ATF7IP2: variants seen among roughly 807,000 people sequenced by gnomAD.
ATF7IP2 encodes activating transcription factor 7-interacting protein 2.
Under a neutral mutation model 64.2 loss-of-function variants are expected in ATF7IP2, and 42 were observed. The observed-to-expected ratio is 0.65, with a 90% CI of 0.51 to 0.85. ATF7IP2 has a LOEUF of 0.85. ATF7IP2 is among the 40% of genes least tolerant of loss of function. ATF7IP2 has a pLI of 0.00. For synonymous variants in ATF7IP2, 308 were observed against 272.8 expected, an observed-to-expected ratio of 1.13 and a Z score of -1.27; for missense variants, 933 against 784.2, an observed-to-expected ratio of 1.19 and a Z score of -2.27.
intron 8 of ATF7IP2, 162 bp from the exon 9 acceptor site, chr16:10,457,210 G>T (rs2049199168): frequency 1.8e-6 from 1 of 570,320 alleles, no homozygotes; most frequent in Non-Finnish European, 3.0e-6. Context: ...AATTCATTTT[G>T]GCAGGCAAAT....
chr16:10,433,114 G>A (rs577537907), intron 5 of ATF7IP2, among the ~76,000 whole-genome samples: 1 of 152,090 alleles, frequency 6.6e-6, no homozygotes, highest in Non-Finnish European at 1.5e-5. Flanking sequence ...AAAAAATGCT[G>A]CAGTGTCACA....
chr16:10,402,706 C>T (rs968908129), intron 1 of ATF7IP2, among the ~76,000 whole-genome samples: 2 of 152,076 alleles, frequency 1.3e-5, no homozygotes, highest in Admixed American at 6.6e-5. Flanking sequence ...TCAAGTGATC[C>T]TCCCACCTCA....
chr16:10,454,043 A>T (rs1420170392), intron 8 of ATF7IP2: 1 of 150,924 alleles, frequency 6.6e-6, no homozygotes, highest in Admixed American at 6.6e-5. Context: ...TCAGTTTTGC[A>T]AGTTATCTTT....
intron 1 of ATF7IP2, among the ~76,000 whole-genome samples, chr16:10,408,370 C>G (rs973428942): frequency 6.6e-6 from 1 of 152,056 alleles, no homozygotes; most frequent in African/African-American, 2.4e-5. Context: ...GTGGGATTGC[C>G]GGGTCAAATG....
chr16:10,423,372 T>G (rs1271699656), intron 3 of ATF7IP2, among the ~76,000 whole-genome samples: 1 of 152,234 alleles, frequency 6.6e-6, no homozygotes, highest in Non-Finnish European at 1.5e-5. Context: ...CTATAATGAT[T>G]TATAGCTTGT....
rs372612664 is a variant in ATF7IP2 at position 10,386,069 on chromosome 16, C to T, written c.-295C>T. 1 of 152,656 alleles carries T rather than the reference C, an allele frequency of 6.6e-6. No homozygotes were observed. Among genetic ancestry groups the T allele is most frequent in the African/African-American group, 2.4e-5 (1 of 41,476 alleles). 9.5% of individuals were successfully genotyped at this position (152,656 alleles called of 1,614,324 possible). A position where few individuals can be genotyped will look rare whatever the true frequency, so the allele number is the denominator to read the frequency against. On this transcript the variant is annotated 5_prime_UTR_variant, in exon 1 of 14. Coordinates refer to ENST00000562102, the MANE Select transcript of ATF7IP2 (RefSeq NM_001393719.1). ...CTGGCCGGACCAGCATTGTTAACGG[C>T]TGCGGTTCGAAGTGGCTGTGGGTAT...
intron 3 of ATF7IP2, 49 bp downstream of exon 3, chr16:10,419,672 C>T (rs983028583): frequency 6.5e-6 from 1 of 153,080 alleles, no homozygotes; most frequent in African/African-American, 2.4e-5. Context: ...TGGGGTCCTC[C>T]TCAGTGTCAG....
At chr16:10,481,332 G>A (rs1337619755) in intron 13 of ATF7IP2, among the ~76,000 whole-genome samples, 4 of 151,412 alleles carry the variant, frequency 2.6e-5, no homozygotes, top group African/African-American at 9.7e-5. Flanking sequence ...CTGGGTTCAA[G>A]TGAGTCCCCT....
chr16:10,430,469 G>T, intron 4 of ATF7IP2, 142 bp from the exon 5 acceptor site: 1 of 571,832 alleles, frequency 1.7e-6, no homozygotes, highest in East Asian at 2.9e-5. Context: ...AAATGGATAT[G>T]ATTTTCAGTA....
chr16:10,454,053 T>A (rs2049083690), intron 8 of ATF7IP2: 1 of 152,030 alleles, frequency 6.6e-6, no homozygotes, highest in Non-Finnish European at 1.5e-5. Context: ...AAGTTATCTT[T>A]GTAAGGAATT....
chr16:10,468,562 C>T (rs1259122564), intron 9 of ATF7IP2, among the ~76,000 whole-genome samples: 1 of 152,164 alleles, frequency 6.6e-6, no homozygotes. Flanking sequence ...AGGAGGGATT[C>T]CAAACAGAGC....
chr16:10,470,853 A>ATGTG (rs34438899), intron 9 of ATF7IP2, among the ~76,000 whole-genome samples: 7 of 109,440 alleles, frequency 6.4e-5, no homozygotes, highest in Non-Finnish European at 1.0e-4. Context: ...GTGTATATAT[A>ATGTG]TGTGTGTGTG....
chr16:10,479,302 C>A (rs977734397), intron 12 of ATF7IP2, among the ~76,000 whole-genome samples: 9 of 151,458 alleles, frequency 5.9e-5, no homozygotes, highest in Non-Finnish European at 1.2e-4. Context: ...ACATATACAC[C>A]ATGGAATACT....
intron 1 of ATF7IP2, among the ~76,000 whole-genome samples, chr16:10,402,683 C>G (rs1244309649): frequency 3.3e-5 from 5 of 152,010 alleles, no homozygotes. Context: ...AGACTGGTTT[C>G]AAACTCCTGA....
intron 9 of ATF7IP2, among the ~76,000 whole-genome samples, chr16:10,468,418 C>G (rs1304354241): frequency 6.6e-6 from 1 of 152,096 alleles, no homozygotes; most frequent in Non-Finnish European, 1.5e-5. Flanking sequence ...CAAGGCAAAT[C>G]AGGCTGAAAA....
At chr16:10,388,182 C>A (rs576918994) in intron 1 of ATF7IP2, among the ~76,000 whole-genome samples, 2 of 152,282 alleles carry the variant, frequency 1.3e-5, no homozygotes, top group Admixed American at 1.3e-4. Flanking sequence ...CTAGTCTTAG[C>A]GCCCGGCCTA....
intron 1 of ATF7IP2, among the ~76,000 whole-genome samples, chr16:10,394,733 T>C (rs2047390984): frequency 1.3e-5 from 2 of 152,148 alleles, no homozygotes; most frequent in South Asian, 4.1e-4. Flanking sequence ...TTTACAAATA[T>C]GTTGAAATTA....
intron 3 of ATF7IP2, among the ~76,000 whole-genome samples, chr16:10,421,910 C>T (rs1465013532): frequency 6.6e-6 from 1 of 152,206 alleles, no homozygotes; most frequent in Non-Finnish European, 1.5e-5. Flanking sequence ...CAGTCTTGCT[C>T]AGCTAAGGGG....
At chr16:10,476,445 C>A (rs954760852) in intron 12 of ATF7IP2, among the ~76,000 whole-genome samples, 1 of 152,026 alleles carries the variant, frequency 6.6e-6, no homozygotes, top group Non-Finnish European at 1.5e-5. Context: ...CCAATATAAA[C>A]CCCCTTTTCT....
Sources: allele counts gnomAD v4.1 joint callset (sites outside exome capture counted in the v4.1 genomes callset), GRCh38; gene constraint gnomAD v4.1.1; transcripts MANE v1.5; gene names NCBI Gene and HGNC (gene_info 2026-07-23, HGNC 2026-07-21).